Variants in LRMDA observed in about 807,000 individuals in gnomAD.
The protein encoded by LRMDA is leucine rich melanocyte differentiation associated.
LRMDA carries 18 observed loss-of-function variants against 29.8 expected under a neutral mutation model. The ratio of observed to expected loss-of-function variants is 0.60; its 90% CI spans 0.42 to 0.90. The LOEUF is 0.90. LRMDA is among the 40% of genes least tolerant of loss of function. LRMDA has a pLI of 0.00. For missense variants in LRMDA, 273 were observed against 273.9 expected, an observed-to-expected ratio of 1.00 and a Z score of 0.02; for synonymous variants, 125 against 109.4, an observed-to-expected ratio of 1.14 and a Z score of -0.89.
At chr10:75,919,288 G>C (rs938382117) in intron 2 of LRMDA, among the ~76,000 whole-genome samples, 1 of 152,218 alleles carries the variant, frequency 6.6e-6, no homozygotes, top group Non-Finnish European at 1.5e-5. Context: ...TCTAGGGGTT[G>C]ACTAAGAAAC....
chr10:75,903,275 C>A (rs1393220924), intron 2 of LRMDA, among the ~76,000 whole-genome samples: 1 of 152,188 alleles, frequency 6.6e-6, no homozygotes, highest in South Asian at 2.1e-4. Context: ...ATCTGGGTAA[C>A]TGAGCACAGG....
intron 6 of LRMDA, among the ~76,000 whole-genome samples, chr10:76,353,029 T>C (rs1440066101): frequency 6.6e-6 from 1 of 152,122 alleles, no homozygotes; most frequent in South Asian, 2.1e-4. Flanking sequence ...ATGTTCAAAA[T>C]GCCTTTCTTT....
intron 2 of LRMDA, among the ~76,000 whole-genome samples, chr10:75,902,107 T>C (rs2132366330): frequency 6.6e-6 from 1 of 152,216 alleles, no homozygotes; most frequent in South Asian, 2.1e-4. Flanking sequence ...ACAAGAGGCC[T>C]TTGCACACAT....
intron 2 of LRMDA, among the ~76,000 whole-genome samples, chr10:75,550,304 A>G (rs1032271251): frequency 2.6e-5 from 4 of 152,086 alleles, no homozygotes; most frequent in African/African-American, 9.7e-5. Flanking sequence ...CAAGTCTCCT[A>G]TTCTTCCTGG....
intron 2 of LRMDA, among the ~76,000 whole-genome samples, chr10:75,629,057 A>G (rs1181771217): frequency 1.3e-5 from 2 of 152,170 alleles, no homozygotes; most frequent in Non-Finnish European, 2.9e-5. Context: ...ACAGTAACCC[A>G]AACCTGTAAG....
intron 5 of LRMDA, among the ~76,000 whole-genome samples, chr10:76,126,793 C>T (rs566466683): frequency 1.2e-4 from 18 of 152,310 alleles, no homozygotes; most frequent in Admixed American, 9.2e-4. Context: ...ATGTTAAAAA[C>T]CACAAGAGAG....
In LRMDA at chr10:76,554,677, T is replaced by C. The variant is rs370188755; in HGVS notation, c.602-2532T>C. On this transcript the variant is annotated intron_variant, in intron 6 of 6. Coordinates refer to ENST00000611255, the MANE Select transcript of LRMDA (RefSeq NM_001305581.2). Reference sequence around the variant, plus strand: ...GCCAGCCAGAAAGAAGGCTCGGGAATGTGGCACAGAACACATCCCAGCCCA... The same window carrying C: ...GCCAGCCAGAAAGAAGGCTCGGGAACGTGGCACAGAACACATCCCAGCCCA... Among the ~76,000 whole-genome samples the C allele has an allele frequency of 4.4e-3, 669 of 152,234 alleles. 13 individuals are homozygous for C. The highest frequency in any genetic ancestry group is 0.015 in the African/African-American group (637 of 41,536).
rs76644712 is a variant in LRMDA, at chr10:75,553,772, A to G, written c.131+115278A>G. On this transcript the variant is annotated intron_variant, in intron 2 of 6. Transcript: ENST00000611255. ...GCTTATGACTTCTCTTTTTTATGAG[A>G]GAAGGGCCTGGGAAGTAGGCAAGAT... Among the ~76,000 whole-genome samples, 71 of 152,062 alleles carry G rather than the reference A, an allele frequency of 4.7e-4. No homozygotes were observed. In the East Asian group the frequency reaches 0.012, roughly 27 times the overall value.
At chr10:76,357,653 G>C (rs948789720) in intron 6 of LRMDA, among the ~76,000 whole-genome samples, 5 of 152,162 alleles carry the variant, frequency 3.3e-5, no homozygotes, top group African/African-American at 7.2e-5. Flanking sequence ...TAGCTGCAGA[G>C]ACCAACTTAT....
At chr10:76,190,885 A>T (rs1851232190) in intron 5 of LRMDA, among the ~76,000 whole-genome samples, 1 of 152,196 alleles carries the variant, frequency 6.6e-6, no homozygotes, top group Non-Finnish European at 1.5e-5. Context: ...CTCTTACAGG[A>T]TGTCAGCAGA....
intron 5 of LRMDA, among the ~76,000 whole-genome samples, chr10:76,237,361 C>A (rs7906094): frequency 0.014 from 2,194 of 152,056 alleles, 50 homozygotes; most frequent in African/African-American, 0.046. Context: ...TATAGGTGTA[C>A]AAGGCTTAGG....
At chr10:75,779,259 AC>A (rs1218772571) in intron 2 of LRMDA, among the ~76,000 whole-genome samples, 1 of 151,882 alleles carries the variant, frequency 6.6e-6, no homozygotes, top group African/African-American at 2.4e-5. Flanking sequence ...TTTATATTTG[AC>A]CCCTTTTGCC....
At chr10:76,292,328 A>G (rs1840352052) in intron 5 of LRMDA, among the ~76,000 whole-genome samples, 1 of 152,174 alleles carries the variant, frequency 6.6e-6, no homozygotes, top group Non-Finnish European at 1.5e-5. Context: ...TAGAGCCATC[A>G]GATCACTTGC....
chr10:75,672,399 T>G (rs1010360460), intron 2 of LRMDA, among the ~76,000 whole-genome samples: 8 of 151,858 alleles, frequency 5.3e-5, no homozygotes, highest in Non-Finnish European at 1.2e-4. Context: ...TCTGCAAGGC[T>G]GCTTTGAAGG....
intron 2 of LRMDA, among the ~76,000 whole-genome samples, chr10:75,677,608 C>A (rs547288955): frequency 6.6e-6 from 1 of 152,256 alleles, no homozygotes; most frequent in East Asian, 1.9e-4. Context: ...AATGATCACT[C>A]AAGCCCACTG....
At chr10:75,779,463 A>C (rs2132241437) in intron 2 of LRMDA, among the ~76,000 whole-genome samples, 1 of 152,326 alleles carries the variant, frequency 6.6e-6, no homozygotes, top group Non-Finnish European at 1.5e-5. Flanking sequence ...ATTCAGCAAG[A>C]GCAACCTAAA....
intron 5 of LRMDA, among the ~76,000 whole-genome samples, chr10:76,224,596 C>T (rs1160183769): frequency 6.7e-6 from 1 of 148,260 alleles, no homozygotes; most frequent in Non-Finnish European, 1.5e-5. Context: ...AAATGTTAGG[C>T]AAGGATTGCT....
intron 5 of LRMDA, among the ~76,000 whole-genome samples, chr10:76,135,249 G>A (rs1030728783): frequency 5.9e-5 from 9 of 152,184 alleles, no homozygotes; most frequent in Non-Finnish European, 8.8e-5. Context: ...TCCATAGTGC[G>A]TCTCTGTTCT....
intron 2 of LRMDA, among the ~76,000 whole-genome samples, chr10:75,688,445 G>A (rs1172075618): frequency 6.6e-6 from 1 of 152,248 alleles, no homozygotes; most frequent in African/African-American, 2.4e-5. Flanking sequence ...TGGAAGTGGA[G>A]CCTGAAGCTG....
Sources: allele counts gnomAD v4.1 joint callset (sites outside exome capture counted in the v4.1 genomes callset), GRCh38; gene constraint gnomAD v4.1.1; transcripts MANE v1.5; gene names NCBI Gene and HGNC (gene_info 2026-07-23, HGNC 2026-07-21).